Variants in CD207 observed in about 807,000 individuals in gnomAD.
CD207 encodes C-type lectin domain family 4 member K.
Under a neutral mutation model 31.6 loss-of-function variants are expected in CD207, and 28 were observed. The observed-to-expected ratio is 0.89, with a 90% CI of 0.66 to 1.21. The LOEUF (loss-of-function observed/expected upper bound fraction) is 1.21, where lower values mean the gene tolerates loss of function less well. CD207 is among the 50% of genes most tolerant of loss of function. CD207 has a pLI of 0.00. For synonymous variants in CD207, 168 were observed against 153.9 expected (o/e 1.09, Z -0.68); for missense variants, 388 against 397.8 (o/e 0.98, Z 0.21).
intron 2 of CD207, among the ~76,000 whole-genome samples, chr2:70,834,961 C>A (rs1677571719): frequency 6.6e-6 from 1 of 152,356 alleles, no homozygotes. Context: ...TAGATGTGAT[C>A]TTCACAGGGA....
In CD207 at chr2:70,830,842, C is replaced by A. The variant is rs540751386; in HGVS notation, c.*208G>T. 1.1e-4 allele frequency: 52 copies of A among 465,172 alleles called. No individual in the cohort carries two copies. Among genetic ancestry groups the A allele is most frequent in the Non-Finnish European group, 1.3e-4 (34 of 257,728 alleles). 28.8% of individuals were successfully genotyped at this position (465,172 alleles called of 1,614,324 possible). A position where few individuals can be genotyped will look rare whatever the true frequency, so the allele number is the denominator to read the frequency against. On this transcript the variant is annotated 3_prime_UTR_variant, in exon 6 of 6. Transcript: ENST00000410009. Reference sequence around the variant, plus strand: ...TCTCTACCCACCCCTCCCACTTTAACCTGAATTCTCCTTTCCATTCCAGCT... The same window carrying A: ...TCTCTACCCACCCCTCCCACTTTAAACTGAATTCTCCTTTCCATTCCAGCT...
chr2:70,830,748 AC>A lies in CD207; in HGVS notation c.*301del, dbSNP rs1677444821. On this transcript the variant is annotated 3_prime_UTR_variant, in exon 6 of 6. Coordinates refer to ENST00000410009, the MANE Select transcript of CD207 (RefSeq NM_015717.5). ...TGAGGTTTCTCTGAAAGAGTGGAAA[AC>A]CCCAGGGTGTTATGCCGGATTACGG... 4.0e-6 allele frequency: 1 copy of A among 249,932 alleles called. No homozygotes were observed. The highest frequency in any genetic ancestry group is 7.6e-6 in the Non-Finnish European group (1 of 131,168). The allele number at this position is 249,932 out of a possible 1,614,324, so 15.5% of individuals were successfully genotyped here.
chr2:70,833,694 C>G lies in CD207; in HGVS notation c.517G>C (p.Ala173Pro), dbSNP rs1677534631. 6.2e-7 allele frequency: 1 copy of G among 1,613,824 alleles called. No individual in the cohort carries two copies. Among genetic ancestry groups the G allele is most frequent in the Non-Finnish European group, 8.5e-7 (1 of 1,179,874 alleles). The change falls in exon 3 of 6, where the codon GCA (alanine) becomes CCA (proline). Residue 173 changes from alanine (A) to proline (P), a missense_variant. Ala to Pro is a conservative substitution (Grantham distance 27, BLOSUM62 -1). Coordinates refer to ENST00000410009, the MANE Select transcript of CD207 (RefSeq NM_015717.5). ...KASALNTKIR[A>P]LQGSLENMSK... ...ATATTCTCCAAGCTGCCCTGGAGTG[C>G]CCGGATCTTTGTATTTAAAGCACTG...
chr2:70,831,681 G>A lies in CD207; in HGVS notation c.836+20C>T, dbSNP rs782017489. On this transcript the variant is annotated intron_variant, in intron 5 of 5. Transcript: ENST00000410009. ...TGGCCGGGGAAAGTCAGGCTGGCACGGAGGGCTCCAGGGGCTTACCTCACA... is the reference window on the plus strand; with the variant it reads ...TGGCCGGGGAAAGTCAGGCTGGCACAGAGGGCTCCAGGGGCTTACCTCACA... 17 of 1,478,970 alleles carry A rather than the reference G, an allele frequency of 1.1e-5. No individual in the cohort carries two copies. The highest frequency in any genetic ancestry group is 8.4e-5 in the Admixed American group (5 of 59,816). 91.6% of individuals were successfully genotyped at this position (1,478,970 alleles called of 1,614,324 possible).
Position 70,835,723 on chromosome 2 carries a change from G to A in CD207, c.54C>T (p.Asn18=), listed in dbSNP as rs376124982. The A allele has an allele frequency of 1.5e-5, 25 of 1,613,352 alleles. No homozygotes were observed. The African/African-American group carries it at 2.5e-4, about 16-fold the overall frequency. ...GCTTGCCTCGGGGCCAGAGGGAGATGTTCTGTTTGTCCACAGTGAAGTGCG... is the reference window on the plus strand; with the variant it reads ...GCTTGCCTCGGGGCCAGAGGGAGATATTCTGTTTGTCCACAGTGAAGTGCG... The part of the protein sequence containing the change: ...PDAHFTVDKQ[N]ISLWPREPPP... Residue 18 remains asparagine, a synonymous_variant, in exon 1 of 6, where the codon AAC becomes AAT. Coordinates refer to ENST00000410009, the MANE Select transcript of CD207 (RefSeq NM_015717.5).
At chr2:70,828,088 A>G (rs1417270983), downstream of CD207, among the ~76,000 whole-genome samples, 2 of 152,242 alleles carry the variant, frequency 1.3e-5, no homozygotes, top group African/African-American at 4.8e-5. Flanking sequence ...CCTGGCTCCC[A>G]ACTTTTCACC....
downstream of CD207, among the ~76,000 whole-genome samples, chr2:70,825,652 C>T (rs1339024278): frequency 6.6e-6 from 1 of 152,152 alleles, no homozygotes; most frequent in Non-Finnish European, 1.5e-5. Context: ...AATTCTCCCA[C>T]CTCAGACTCT....
chr2:70,835,804 C>G lies in CD207; in HGVS notation c.-28G>C, dbSNP rs142100762. 50 of 1,584,826 alleles carry G rather than the reference C, an allele frequency of 3.2e-5. No individual in the cohort carries two copies. The African/African-American group carries it at 6.3e-4, about 20-fold the overall frequency. ...TGAGTGCTCACCCTTATCCTGGGAG[C>G]ACAGGTGCTTCTGGCTGCCTGTCTC... On this transcript the variant is annotated 5_prime_UTR_variant, in exon 1 of 6. Transcript: ENST00000410009.
chr2:70,831,029 T>A lies in CD207; in HGVS notation c.*21A>T. On this transcript the variant is annotated 3_prime_UTR_variant, in exon 6 of 6. Coordinates refer to ENST00000410009, the MANE Select transcript of CD207 (RefSeq NM_015717.5). Reference sequence around the variant, plus strand: ...TTAACAAGCGTTGGAGCTCAAAGAGTGAGCTTGGGAGCCTGTCCTGTCACG... The same window carrying A: ...TTAACAAGCGTTGGAGCTCAAAGAGAGAGCTTGGGAGCCTGTCCTGTCACG... 6.2e-7 allele frequency: 1 copy of A among 1,603,326 alleles called. No homozygotes were observed. Among genetic ancestry groups the A allele is most frequent in the Non-Finnish European group, 8.5e-7 (1 of 1,173,656 alleles).
chr2:70,825,868 G>A (rs145284077), downstream of CD207, among the ~76,000 whole-genome samples: 446 of 152,254 alleles, frequency 2.9e-3, 1 homozygote, highest in Middle Eastern at 0.01. Flanking sequence ...AGGGATGGCT[G>A]GGTATGGCAA....
chr2:70,834,516 G>A (rs1553400601), intron 2 of CD207, among the ~76,000 whole-genome samples: 2 of 152,122 alleles, frequency 1.3e-5, no homozygotes, highest in South Asian at 4.1e-4. Flanking sequence ...ACCATGGGAA[G>A]AACCAGCCAC....
downstream of CD207, among the ~76,000 whole-genome samples, chr2:70,829,940 A>T (rs1279201732): frequency 6.6e-6 from 1 of 152,130 alleles, no homozygotes; most frequent in Non-Finnish European, 1.5e-5. Flanking sequence ...TGTTCTTGGG[A>T]ATTGAGCTAT....
Position 70,832,972 on chromosome 2 carries a change from G to A in CD207, c.645C>T (p.Thr215=), listed in dbSNP as rs533675173. Residue 215 remains threonine, a synonymous_variant, in exon 4 of 6, where the codon ACC becomes ACT. Coordinates refer to ENST00000410009, the MANE Select transcript of CD207 (RefSeq NM_015717.5). The stretch of plus-strand genomic sequence containing the variant: ...CACAGAACTGCTCGGCACTATACCA[G>A]GTCTTTGGAATGAGAGAAAAGTAAT... ...NFYYFSLIPK[T]WYSAEQFCVS... 1.2e-6 allele frequency: 2 copies of A among 1,613,948 alleles called. No homozygotes were observed. Among genetic ancestry groups the A allele is most frequent in the Admixed American group, 3.3e-5 (2 of 60,026 alleles).
intron 2 of CD207, among the ~76,000 whole-genome samples, chr2:70,834,635 G>C (rs531043729): frequency 6.6e-6 from 1 of 152,298 alleles, no homozygotes; most frequent in African/African-American, 2.4e-5. Context: ...CCCAGGCCTG[G>C]GTACCAGAGA....
At position 70,835,711 on chromosome 2, in the gene CD207, C is replaced by T. The variant is rs1423107223; in HGVS notation, c.66G>A (p.Trp22Ter). The T allele has an allele frequency of 5.0e-6, 8 of 1,613,088 alleles. No homozygotes were observed. Among genetic ancestry groups the T allele is most frequent in the African/African-American group, 2.7e-5 (2 of 74,892 alleles). The change falls in exon 1 of 6, where the codon TGG (tryptophan) becomes TGA (stop). Residue 22 changes from tryptophan (W) to a stop codon, truncating the protein, a stop_gained. Transcript: ENST00000410009. LOFTEE classifies it high-confidence loss of function. ...FTVDKQNISL[W>*]PREPPPKSGP... ...AGCAGCGATGTGGCTTGCCTCGGGGCCAGAGGGAGATGTTCTGTTTGTCCA... is the reference window on the plus strand; with the variant it reads ...AGCAGCGATGTGGCTTGCCTCGGGGTCAGAGGGAGATGTTCTGTTTGTCCA...
chr2:70,825,528 A>C (rs955257509), downstream of CD207, among the ~76,000 whole-genome samples: 1 of 152,260 alleles, frequency 6.6e-6, no homozygotes, highest in East Asian at 1.9e-4. Context: ...AAACTATTCT[A>C]TAATATAAAG....
rs1448141948 is a variant in CD207 at position 70,830,734 on chromosome 2, TGAAA to T, written c.*312_*315del. ...TGATGTGATGAAGCTGAGGTTTCTCTGAAAGAGTGGAAAACCCCAGGGTGTTATG... is the reference window on the plus strand; with the variant it reads ...TGATGTGATGAAGCTGAGGTTTCTCTGAGTGGAAAACCCCAGGGTGTTATG... On this transcript the variant is annotated 3_prime_UTR_variant, in exon 6 of 6. Transcript: ENST00000410009. 1.5e-4 allele frequency: 33 copies of T among 225,550 alleles called. No homozygotes were observed. In the East Asian group the frequency reaches 2.9e-3, roughly 20 times the overall value. 14.0% of individuals were successfully genotyped at this position (225,550 alleles called of 1,614,324 possible). A position where few individuals can be genotyped will look rare whatever the true frequency, so the allele number is the denominator to read the frequency against.
At position 70,832,897 on chromosome 2, in the gene CD207, C is replaced by T. The variant is rs1553400061; in HGVS notation, c.717+3G>A. 6.2e-7 allele frequency: 1 copy of T among 1,612,656 alleles called. No homozygotes were observed. The highest frequency in any genetic ancestry group is 8.5e-7 in the Non-Finnish European group (1 of 1,179,074). Reference sequence around the variant, plus strand: ...TCACAGAGCCCATAGGCACAGCACTCACCTGCTCACTCTCTGAGGTCACCG... The same window carrying T: ...TCACAGAGCCCATAGGCACAGCACTTACCTGCTCACTCTCTGAGGTCACCG... On this transcript the variant is annotated splice_donor_region_variant and intron_variant, in intron 4 of 5. Coordinates refer to ENST00000410009, the MANE Select transcript of CD207 (RefSeq NM_015717.5).
chr2:70,833,555 C>T (rs1677529805), intron 3 of CD207, 91 bp downstream of exon 3: 2 of 1,416,492 alleles, frequency 1.4e-6, no homozygotes, highest in Non-Finnish European at 1.9e-6. Context: ...ACTCTCCTCC[C>T]CAACCCACCA....
Sources: gnomAD v4.1 joint callset for allele counts (sites outside exome capture counted in the v4.1 genomes callset) on GRCh38, gnomAD v4.1.1 for gene constraint, MANE v1.5 for transcripts, NCBI Gene and HGNC (gene_info 2026-07-23, HGNC 2026-07-21) for gene names.